Variants in BPTF observed in about 807,000 individuals in gnomAD.
BPTF encodes bromodomain PHD finger transcription factor.
Under a neutral mutation model 292.5 loss-of-function variants are expected in BPTF, and 18 were observed. The observed-to-expected ratio is 0.06, with a 90% CI of 0.04 to 0.09. The LOEUF (loss-of-function observed/expected upper bound fraction) is 0.09, where lower values mean the gene tolerates loss of function less well. Ranked by LOEUF, BPTF falls within the 10% of genes least tolerant of loss-of-function variation. BPTF has a pLI of 1.00. For synonymous variants in BPTF, 1,225 were observed against 1,251.9 expected (o/e 0.98, Z 0.45); for missense variants, 2,726 against 3,498.7 (o/e 0.78, Z 5.57).
intron 3 of BPTF, among the ~76,000 whole-genome samples, chr17:67,868,072 T>G (rs766638745): frequency 2.0e-5 from 3 of 152,238 alleles, no homozygotes; most frequent in Non-Finnish European, 2.9e-5. Flanking sequence ...CATGGATATT[T>G]TATACTTACT....
chr17:67,974,139 T>C (rs1192721706), intron 26 of BPTF: 1 of 152,198 alleles, frequency 6.6e-6, no homozygotes, highest in African/African-American at 2.4e-5. Flanking sequence ...CCTAGATTGA[T>C]TGGAGATTAC....
chr17:67,839,977 T>A (rs2057421887), intron 1 of BPTF, among the ~76,000 whole-genome samples: 1 of 152,180 alleles, frequency 6.6e-6, no homozygotes, highest in Non-Finnish European at 1.5e-5. Flanking sequence ...GACACCTTAA[T>A]AAGTATATAG....
In BPTF at chr17:67,948,312, A is replaced by T. The variant is rs370079727; in HGVS notation, c.7926+6A>T. On this transcript the variant is annotated splice_donor_region_variant and intron_variant, in intron 23 of 27. Transcript: ENST00000306378. The stretch of plus-strand genomic sequence containing the variant: ...ATCTGCAAATTGAAGTGCAGGTAAG[A>T]GGGCACATCCTTTTCTTCTGTGTCC... The T allele has an allele frequency of 2.2e-5, 36 of 1,606,966 alleles. No homozygotes were observed. The highest frequency in any genetic ancestry group is 3.0e-5 in the Non-Finnish European group (35 of 1,176,306).
chr17:67,933,871 C>G (rs555638725), intron 18 of BPTF, among the ~76,000 whole-genome samples: 14 of 151,934 alleles, frequency 9.2e-5, no homozygotes, highest in African/African-American at 3.4e-4. Flanking sequence ...CCAGCCTGGC[C>G]AACATGGTGA....
intron 9 of BPTF, among the ~76,000 whole-genome samples, chr17:67,906,932 C>T (rs559638515): frequency 6.6e-6 from 1 of 152,196 alleles, no homozygotes; most frequent in African/African-American, 2.4e-5. Context: ...ATGGCTCACA[C>T]CTGTGATGGG....
At chr17:67,967,979 T>A (rs544973813) in intron 26 of BPTF, among the ~76,000 whole-genome samples, 5 of 151,554 alleles carry the variant, frequency 3.3e-5, no homozygotes, top group African/African-American at 2.4e-5. Context: ...TCCATTTACT[T>A]CTTCTTTTTC....
At chr17:67,828,173 G>A (rs1328389359) in intron 1 of BPTF, among the ~76,000 whole-genome samples, 2 of 152,014 alleles carry the variant, frequency 1.3e-5, no homozygotes, top group African/African-American at 2.4e-5. Flanking sequence ...CTCGTGATCC[G>A]CCTACCTCGG....
intron 18 of BPTF, 112 bp downstream of exon 18, chr17:67,932,131 A>G: frequency 1.2e-6 from 1 of 841,796 alleles, no homozygotes; most frequent in African/African-American, 1.7e-5. Flanking sequence ...TTAGTACTTC[A>G]AAGCATACTA....
chr17:67,854,098 A>G lies in BPTF; in HGVS notation c.772A>G (p.Thr258Ala). ...AIYEVLRNFG[T>A]VLRLSPFRFE... Reference sequence around the variant, plus strand: ...TTACGAGGTACTGCGGAACTTTGGCACTGTTTTGAGATTATCTCCTTTTCG... The same window carrying G: ...TTACGAGGTACTGCGGAACTTTGGCGCTGTTTTGAGATTATCTCCTTTTCG... Residue 258 changes from threonine (T) to alanine (A), a missense_variant, in exon 2 of 28, where the codon ACT becomes GCT. Coordinates refer to ENST00000306378, the MANE Select transcript of BPTF (RefSeq NM_182641.4). This position sits in a 1 kb window ranked among gnomAD's most constrained non-coding sequence, Gnocchi z 5.6. 1.2e-6 allele frequency: 2 copies of G among 1,614,194 alleles called. No homozygotes were observed. The highest frequency in any genetic ancestry group is 1.7e-6 in the Non-Finnish European group (2 of 1,180,040).
chr17:67,886,297 C>T (rs2060743742), intron 4 of BPTF: 1 of 1,612,560 alleles, frequency 6.2e-7, no homozygotes, highest in Non-Finnish European at 8.5e-7. Flanking sequence ...ATACACCTGT[C>T]TCTATTCAGG....
At chr17:67,914,278 C>T (rs963860220) in intron 11 of BPTF, among the ~76,000 whole-genome samples, 4 of 152,134 alleles carry the variant, frequency 2.6e-5, no homozygotes, top group Non-Finnish European at 5.9e-5. Context: ...AGTAAGTACT[C>T]TCTATAAAGG....
intron 7 of BPTF, among the ~76,000 whole-genome samples, chr17:67,897,899 T>C (rs901320866): frequency 6.6e-6 from 1 of 152,174 alleles, no homozygotes; most frequent in Non-Finnish European, 1.5e-5. Flanking sequence ...CTGTCTTCTT[T>C]ATTAATATTT....
chr17:67,912,313 G>A lies in BPTF; in HGVS notation c.4429G>A (p.Glu1477Lys). Reference sequence around the variant, plus strand: ...TGATGTCATCATGGAAGATTTTAATGAAAGAAACAGCTCCGAAACAAAATC... The same window carrying A: ...TGATGTCATCATGGAAGATTTTAATAAAAGAAACAGCTCCGAAACAAAATC... ...NGDVIMEDFN[E>K]RNSSETKSHL... is the part of the protein sequence containing the mutation. Residue 1477 changes from glutamate (E) to lysine (K), a missense_variant, in exon 11 of 28, where the codon GAA becomes AAA. Coordinates refer to ENST00000306378, the MANE Select transcript of BPTF (RefSeq NM_182641.4). 1 of 1,613,844 alleles carries A rather than the reference G, an allele frequency of 6.2e-7. No individual in the cohort carries two copies. Among genetic ancestry groups the A allele is most frequent in the South Asian group, 1.1e-5 (1 of 91,072 alleles).
chr17:67,882,954 C>T (rs1263685562), intron 4 of BPTF, among the ~76,000 whole-genome samples: 3 of 148,480 alleles, frequency 2.0e-5, no homozygotes, highest in Non-Finnish European at 4.4e-5. Context: ...ACTGAGATCA[C>T]GCCACGCCAC....
At chr17:67,882,046 G>T (rs2060461577) in intron 4 of BPTF, among the ~76,000 whole-genome samples, 1 of 151,132 alleles carries the variant, frequency 6.6e-6, no homozygotes, top group Admixed American at 6.6e-5. Context: ...TGTTGGCCAG[G>T]CTGGTCTCGA....
At chr17:67,928,946 TA>T in intron 16 of BPTF, 3 of 1,177,536 alleles carry the variant, frequency 2.5e-6, no homozygotes, top group Non-Finnish European at 3.2e-6. Flanking sequence ...TTAAATGTCT[TA>T]TACCCCATTA....
intron 27 of BPTF, 102 bp from the exon 28 acceptor site, chr17:67,982,150 G>T: frequency 9.6e-7 from 1 of 1,037,816 alleles, no homozygotes; most frequent in Non-Finnish European, 1.5e-6. Flanking sequence ...GAAAGAACAT[G>T]GCTGCTTCTC....
chr17:67,843,227 T>C (rs929426797), intron 1 of BPTF, among the ~76,000 whole-genome samples: 3 of 142,860 alleles, frequency 2.1e-5, no homozygotes, highest in African/African-American at 7.4e-5. Flanking sequence ...GATATATACC[T>C]ATATATCTAC....
intron 23 of BPTF, among the ~76,000 whole-genome samples, chr17:67,957,727 A>G (rs1273387503): frequency 6.6e-6 from 1 of 152,206 alleles, no homozygotes; most frequent in East Asian, 1.9e-4. Flanking sequence ...TGGGCATGGT[A>G]GTGAGCACCT....
Sources: gnomAD v4.1 joint callset for allele counts (sites outside exome capture counted in the v4.1 genomes callset) on GRCh38, gnomAD v4.1.1 for gene constraint, Gnocchi (gnomAD v3.1) non-coding constraint, MANE v1.5 for transcripts, NCBI Gene and HGNC (gene_info 2026-07-23, HGNC 2026-07-21) for gene names.